Variants in TIMM9 observed in about 807,000 individuals in gnomAD.
TIMM9 encodes the protein translocase of inner mitochondrial membrane 9, also known as mitochondrial import inner membrane translocase subunit Tim9.
In TIMM9, 10 loss-of-function variants were observed where a neutral mutation model predicts 13.4. That is an observed-to-expected ratio of 0.75 (90% CI 0.46 to 1.26). The LOEUF (loss-of-function observed/expected upper bound fraction) is 1.26. Ranked by LOEUF, TIMM9 falls within the 50% of genes most tolerant of loss-of-function variation. The pLI is 0.00. For synonymous variants in TIMM9, 32 were observed against 32.1 expected (o/e 1.00, Z 0.01); for missense variants, 87 against 100.8 (o/e 0.86, Z 0.58).
chr14:58,413,789 C>T (rs1381436765), intron 3 of TIMM9, among the ~76,000 whole-genome samples: 2 of 151,772 alleles, frequency 1.3e-5, no homozygotes, highest in Non-Finnish European at 2.9e-5. Flanking sequence ...GGGCAGATTA[C>T]GAGGTCAGGA....
chr14:58,411,387 G>T (rs368676557), intron 4 of TIMM9, among the ~76,000 whole-genome samples: 10 of 151,962 alleles, frequency 6.6e-5, no homozygotes, highest in African/African-American at 2.4e-4. Context: ...GATGGAGGTT[G>T]CAGTGAACCA....
At chr14:58,422,941 TG>T (rs1458175670) in intron 3 of TIMM9, among the ~76,000 whole-genome samples, 3 of 152,044 alleles carry the variant, frequency 2.0e-5, no homozygotes, top group Non-Finnish European at 2.9e-5. Flanking sequence ...CCTGAGTAGC[TG>T]GGATTACAGG....
chr14:58,416,827 G>A (rs578119958), intron 3 of TIMM9, among the ~76,000 whole-genome samples: 71 of 152,250 alleles, frequency 4.7e-4, no homozygotes, highest in African/African-American at 1.6e-3. Context: ...AAGGAAAAAG[G>A]CCAGGTGTCG....
intron 2 of TIMM9, among the ~76,000 whole-genome samples, chr14:58,425,542 T>C (rs1595034196): frequency 6.8e-6 from 1 of 146,588 alleles, no homozygotes; most frequent in African/African-American, 2.5e-5. Context: ...GCCCTGTCTC[T>C]GGAAAAAAAA....
chr14:58,418,170 T>C (rs1329264111), intron 3 of TIMM9, among the ~76,000 whole-genome samples: 4 of 152,304 alleles, frequency 2.6e-5, no homozygotes, highest in Middle Eastern at 6.8e-3. Context: ...TGGTTTAATA[T>C]TTGAAAATTA....
At chr14:58,414,081 T>C (rs1238546370) in intron 3 of TIMM9, among the ~76,000 whole-genome samples, 1 of 121,084 alleles carries the variant, frequency 8.3e-6, no homozygotes, top group Non-Finnish European at 1.8e-5. Context: ...TTAAACAGCA[T>C]GTAAAAGGAA....
rs752498136 is a variant in TIMM9, at chr14:58,408,579, T to C, written c.*455A>G. ...AGGACTGCTTGGAGGATGATCCTGA[T>C]TGAAAAACATTTCAACGTATCCACA... is the stretch of plus-strand genomic sequence containing the variant. On this transcript the variant is annotated 3_prime_UTR_variant, in exon 6 of 6. Coordinates refer to ENST00000395159, the MANE Select transcript of TIMM9 (RefSeq NM_012460.4). The C allele has an allele frequency of 9.3e-6, 15 of 1,613,822 alleles. No homozygotes were observed. The highest frequency in any genetic ancestry group is 1.6e-4 in the Middle Eastern group (1 of 6,082).
intron 3 of TIMM9, among the ~76,000 whole-genome samples, chr14:58,417,666 G>A (rs1380534428): frequency 6.7e-6 from 1 of 150,218 alleles, no homozygotes; most frequent in Non-Finnish European, 1.5e-5. Context: ...AGGAAGGAAG[G>A]TAGGAAGGAA....
At position 58,423,981 on chromosome 14, in the gene TIMM9, AGATCTTAT is replaced by A. The variant is rs2036665203; in HGVS notation, c.-27+19_-27+26del. ...AACCAGGGAACTTAAGAATAAAGGG[AGATCTTAT>A]CAGTCATCAAGCTCTAACCTTTTCT... On this transcript the variant is annotated intron_variant, in intron 3 of 5. Transcript: ENST00000395159. 6.6e-6 allele frequency: 1 copy of A among 152,214 alleles called. No homozygotes were observed. The highest frequency in any genetic ancestry group is 6.5e-5 in the Admixed American group (1 of 15,292). The allele number at this position is 152,214 out of a possible 1,614,324, so 9.4% of individuals were successfully genotyped here.
At position 58,408,619 on chromosome 14, in the gene TIMM9, C is replaced by T. The variant is rs745568923; in HGVS notation, c.*415G>A. The T allele has an allele frequency of 1.9e-6, 3 of 1,590,512 alleles. No individual in the cohort carries two copies. The highest frequency in any genetic ancestry group is 1.1e-5 in the South Asian group (1 of 89,690). On this transcript the variant is annotated 3_prime_UTR_variant, in exon 6 of 6. Coordinates refer to ENST00000395159, the MANE Select transcript of TIMM9 (RefSeq NM_012460.4). ...ACGTATCCACAGTCCAGTGAGAATA[C>T]TATGGTACCATACAGTATAAACAAC...
At chr14:58,417,498 T>TA (rs71107944) in intron 3 of TIMM9, among the ~76,000 whole-genome samples, 50,924 of 56,650 alleles carry the variant, frequency 0.9, 23,296 homozygotes, top group Middle Eastern at 0.98. Context: ...AAGACCCTGT[T>TA]AAAAAAAAAA....
Position 58,427,431 on chromosome 14 carries a change from T to C in TIMM9, c.-343A>G, listed in dbSNP as rs2036908170. The C allele has an allele frequency of 3.1e-6, 2 of 643,686 alleles. No homozygotes were observed. The highest frequency in any genetic ancestry group is 5.2e-6 in the Non-Finnish European group (2 of 381,976). The allele number at this position is 643,686 out of a possible 1,614,324, so 39.9% of individuals were successfully genotyped here. Reference sequence around the variant, plus strand: ...CTAACGGTCTTCGGAAGCGAAGCAGTGTCAACAGTCCCTGGTAAACACAAG... The same window carrying C: ...CTAACGGTCTTCGGAAGCGAAGCAGCGTCAACAGTCCCTGGTAAACACAAG... On this transcript the variant is annotated 5_prime_UTR_variant, in exon 1 of 6. Transcript: ENST00000395159.
At chr14:58,416,693 TG>T (rs1165824618) in intron 3 of TIMM9, among the ~76,000 whole-genome samples, 14 of 152,372 alleles carry the variant, frequency 9.2e-5, no homozygotes, top group Admixed American at 9.1e-4. Context: ...TGGTTCTAAA[TG>T]TATGTAGACA....
chr14:58,408,931 C>T lies in TIMM9; in HGVS notation c.*103G>A. The T allele has an allele frequency of 6.7e-7, 1 of 1,488,182 alleles. No homozygotes were observed. Among genetic ancestry groups the T allele is most frequent in the East Asian group, 2.3e-5 (1 of 43,262 alleles). The allele number at this position is 1,488,182 out of a possible 1,614,324, so 92.2% of individuals were successfully genotyped here. A position where few individuals can be genotyped will look rare whatever the true frequency, so the allele number is the denominator to read the frequency against. On this transcript the variant is annotated 3_prime_UTR_variant, in exon 6 of 6. Transcript: ENST00000395159. ...CAAACAGTCATGACAGATGGTTGAA[C>T]ATGGTGGCTACTGCTTTCAGGGGAT... is the stretch of plus-strand genomic sequence containing the variant.
chr14:58,426,667 G>C (rs2036834489), intron 2 of TIMM9, among the ~76,000 whole-genome samples: 1 of 152,192 alleles, frequency 6.6e-6, no homozygotes, highest in Admixed American at 6.5e-5. Context: ...AGCGCATCCT[G>C]GGAAATGAGC....
At chr14:58,425,036 G>C (rs1335691409) in intron 2 of TIMM9, among the ~76,000 whole-genome samples, 5 of 152,004 alleles carry the variant, frequency 3.3e-5, no homozygotes, top group Non-Finnish European at 5.9e-5. Flanking sequence ...TCTACAACAT[G>C]GAACAATTTG....
intron 2 of TIMM9, 47 bp downstream of exon 2, chr14:58,427,007 C>G (rs1196724865): frequency 6.5e-6 from 1 of 153,342 alleles, no homozygotes; most frequent in African/African-American, 2.4e-5. Context: ...CCTGCCACCC[C>G]CCGTCCGGGA....
chr14:58,413,218 A>G lies in TIMM9; in HGVS notation c.-26-1247T>C, dbSNP rs2036278776. ...CATCAGAAATACTTGGCCTATATTT[A>G]GATTTAATAAAATCTATTGTTGAAA... On this transcript the variant is annotated intron_variant, in intron 3 of 5. Coordinates refer to ENST00000395159, the MANE Select transcript of TIMM9 (RefSeq NM_012460.4). Among the ~76,000 whole-genome samples the G allele has an allele frequency of 2.0e-5, 3 of 152,218 alleles. No individual in the cohort carries two copies. In the South Asian group the frequency reaches 6.2e-4, roughly 31 times the overall value.
chr14:58,416,748 T>C (rs918478212), intron 3 of TIMM9, among the ~76,000 whole-genome samples: 5 of 152,210 alleles, frequency 3.3e-5, no homozygotes, highest in Non-Finnish European at 5.9e-5. Flanking sequence ...TATGCTGACA[T>C]CATTACATGG....
Sources: allele counts gnomAD v4.1 joint callset (sites outside exome capture counted in the v4.1 genomes callset), GRCh38; gene constraint gnomAD v4.1.1; transcripts MANE v1.5; gene names NCBI Gene and HGNC (gene_info 2026-07-23, HGNC 2026-07-21).